Variants in NLRP8 observed in about 807,000 individuals in gnomAD.
The protein encoded by NLRP8 is NLR family pyrin domain containing 8, also known as NACHT, LRR and PYD domains-containing protein 8.
NLRP8 carries 86 observed loss-of-function variants against 88.7 expected under a neutral mutation model. The observed-to-expected ratio is 0.97, with a 90% CI of 0.81 to 1.16. The LOEUF (loss-of-function observed/expected upper bound fraction) is 1.16. NLRP8 is among the 50% of genes most tolerant of loss of function. The probability of loss-of-function intolerance (pLI) is 0.00; values close to 1 mark genes in which losing one functional copy is unlikely to be tolerated. For missense variants in NLRP8, 1,342 were observed against 1,286.5 expected (o/e 1.04, Z -0.66); for synonymous variants, 504 against 494.6 (o/e 1.02, Z -0.25).
chr19:55,984,972 G>A (rs1260072859), intron 9 of NLRP8, among the ~76,000 whole-genome samples: 2 of 152,056 alleles, frequency 1.3e-5, no homozygotes, highest in Non-Finnish European at 2.9e-5. Flanking sequence ...AATTCCCAAA[G>A]TACTCTAGTG....
rs369440060 is a variant in NLRP8, at chr19:55,954,696, G to A, written c.638G>A (p.Gly213Glu). 1.9e-6 allele frequency: 3 copies of A among 1,614,012 alleles called. No homozygotes were observed. The highest frequency in any genetic ancestry group is 2.5e-6 in the Non-Finnish European group (3 of 1,180,026). Reference sequence around the variant, plus strand: ...ACCGTGGCCATACAGGGAGCTCCTGGGATCGGAAAAACAATCCTGGCCAAA... The same window carrying A: ...ACCGTGGCCATACAGGGAGCTCCTGAGATCGGAAAAACAATCCTGGCCAAA... The change falls in exon 3 of 10, where the codon GGG becomes GAG. Residue 213 changes from glycine (G) to glutamate (E), a missense_variant. Transcript: ENST00000291971.
intron 3 of NLRP8, among the ~76,000 whole-genome samples, chr19:55,960,774 A>G (rs74702653): frequency 6.6e-6 from 1 of 151,968 alleles, no homozygotes; most frequent in Non-Finnish European, 1.5e-5. Flanking sequence ...TTTTCATCTC[A>G]TGTGTCTTGG....
At chr19:55,952,809 C>T (rs1979156045) in intron 2 of NLRP8, among the ~76,000 whole-genome samples, 197 bp downstream of exon 2, 1 of 152,076 alleles carries the variant, frequency 6.6e-6, no homozygotes, top group Non-Finnish European at 1.5e-5. Context: ...GCCTGTAGTC[C>T]CAGCTACTTG....
intron 3 of NLRP8, among the ~76,000 whole-genome samples, chr19:55,961,198 G>A (rs574830384): frequency 4.2e-4 from 64 of 151,886 alleles, no homozygotes; most frequent in Non-Finnish European, 7.4e-4. Context: ...CACCGTGCCC[G>A]GCCACTTTCA....
intron 9 of NLRP8, among the ~76,000 whole-genome samples, chr19:55,986,276 ACACT>A (rs1980800260): frequency 1.3e-5 from 2 of 150,636 alleles, no homozygotes; most frequent in East Asian, 1.9e-4. Flanking sequence ...CACCCAACAC[ACACT>A]CACACTCACA....
rs1429223868 is a variant in NLRP8 at position 55,962,086 on chromosome 19, C to G, written c.2062C>G (p.Leu688Val). The change falls in exon 4 of 10, where the codon CTG becomes GTG. Residue 688 changes from leucine to valine, a missense_variant. Transcript: ENST00000291971. Reference sequence around the variant, plus strand: ...ATGTAGAGCGCCAGAGAGCAATGGGCTGCATCGTTGGTGGCAAGACTTATG... The same window carrying G: ...ATGTAGAGCGCCAGAGAGCAATGGGGTGCATCGTTGGTGGCAAGACTTATG... The G allele has an allele frequency of 1.9e-6, 3 of 1,614,104 alleles. No homozygotes were observed. Among genetic ancestry groups the G allele is most frequent in the South Asian group, 2.2e-5 (2 of 91,074 alleles).
chr19:55,957,670 TAATTATATATATATATATATATATA>T (rs1199316721), intron 3 of NLRP8, among the ~76,000 whole-genome samples: 8 of 51,862 alleles, frequency 1.5e-4, no homozygotes, highest in African/African-American at 7.1e-4. Flanking sequence ...GAAAAAATAA[TAATTATATATATATATATATATATA>T]TATATATATA....
intron 5 of NLRP8, among the ~76,000 whole-genome samples, chr19:55,970,130 C>A (rs561443245): frequency 2.3e-4 from 35 of 152,168 alleles, no homozygotes; most frequent in Non-Finnish European, 2.9e-5. Context: ...TTAACATTCT[C>A]ACTACAAAAA....
In NLRP8 at chr19:55,970,663, A is replaced by G. The variant is rs1440077184; in HGVS notation, c.2501A>G (p.Tyr834Cys). 6.2e-7 allele frequency: 1 copy of G among 1,613,962 alleles called. No homozygotes were observed. Among genetic ancestry groups the G allele is most frequent in the Admixed American group, 1.7e-5 (1 of 59,974 alleles). Residue 834 changes from tyrosine (Y) to cysteine (C), a missense_variant, in exon 6 of 10, where the codon TAT becomes TGT. By Grantham distance (194) the Tyr-to-Cys change is radical (BLOSUM62 -2). Coordinates refer to ENST00000291971, the MANE Select transcript of NLRP8 (RefSeq NM_176811.2). The stretch of plus-strand genomic sequence containing the variant: ...AACTCCCTGGAGAACTGTGGGGCGT[A>G]TTACCTGTCTGTGGCCCAGCTGGAG...
At chr19:55,976,030 C>CA in intron 7 of NLRP8, 103 bp from the exon 8 acceptor site, 1 of 1,181,166 alleles carries the variant, frequency 8.5e-7, no homozygotes, top group Non-Finnish European at 1.2e-6. Context: ...AAACAGAACC[C>CA]AAAAACAAAG....
rs754210013 is a variant in NLRP8 at position 55,955,601 on chromosome 19, G to T, written c.1543G>T (p.Ala515Ser). 6.2e-7 allele frequency: 1 copy of T among 1,614,130 alleles called. No individual in the cohort carries two copies. Among genetic ancestry groups the T allele is most frequent in the South Asian group, 1.1e-5 (1 of 91,080 alleles). ...CCTCGTGACTTTTCAGGAATTTTTT[G>T]CGGCCTTGTTTTATGTTCTCTGTTT... is the stretch of plus-strand genomic sequence containing the variant. The change falls in exon 3 of 10, where the codon GCG (alanine) becomes TCG (serine). Residue 515 changes from alanine (A) to serine (S), a missense_variant. Physicochemically the swap from Ala to Ser is moderately conservative, Grantham distance 99. Transcript: ENST00000291971.
At chr19:55,982,865 G>A (rs1315864636) in intron 9 of NLRP8, among the ~76,000 whole-genome samples, 2 of 152,106 alleles carry the variant, frequency 1.3e-5, no homozygotes, top group Non-Finnish European at 1.5e-5. Context: ...AAGATCACTT[G>A]AGCCCAGAAT....
At chr19:55,967,242 G>C (rs572436969) in intron 5 of NLRP8, among the ~76,000 whole-genome samples, 1 of 152,252 alleles carries the variant, frequency 6.6e-6, no homozygotes, top group South Asian at 2.1e-4. Flanking sequence ...TGATGACCTT[G>C]AGCAGTGAGA....
chr19:55,949,427 G>A (rs992608004), intron 1 of NLRP8, among the ~76,000 whole-genome samples: 10 of 151,888 alleles, frequency 6.6e-5, no homozygotes, highest in African/African-American at 1.2e-4. Context: ...TAGTAGAAAC[G>A]GGGTTTCACC....
intron 4 of NLRP8, among the ~76,000 whole-genome samples, chr19:55,965,556 T>A (rs1322817124): frequency 6.6e-6 from 1 of 152,142 alleles, no homozygotes; most frequent in Non-Finnish European, 1.5e-5. Flanking sequence ...AAACCAGTCC[T>A]CCGAATCCTT....
chr19:55,985,634 T>C (rs951746829), intron 9 of NLRP8, among the ~76,000 whole-genome samples: 1 of 152,206 alleles, frequency 6.6e-6, no homozygotes, highest in Non-Finnish European at 1.5e-5. Flanking sequence ...CACTACACTT[T>C]CTAAAAACTA....
At chr19:55,957,548 T>C (rs946788205) in intron 3 of NLRP8, among the ~76,000 whole-genome samples, 2 of 151,458 alleles carry the variant, frequency 1.3e-5, no homozygotes, top group African/African-American at 4.9e-5. Context: ...TAGCCAGGCA[T>C]GGTGGCGGGC....
rs374938272 is a variant in NLRP8, at chr19:55,952,629, C to G, written c.442+17C>G. 1 of 1,607,594 alleles carries G rather than the reference C, an allele frequency of 6.2e-7. No individual in the cohort carries two copies. Among genetic ancestry groups the G allele is most frequent in the South Asian group, 1.1e-5 (1 of 90,890 alleles). On this transcript the variant is annotated intron_variant, in intron 2 of 9. Transcript: ENST00000291971. ...GAGAATCTGGTATGTGCCTGTATCA[C>G]AGCAGACCCTGGTGAAAAAATGGGC...
chr19:55,965,625 C>G (rs1232280746), intron 4 of NLRP8, among the ~76,000 whole-genome samples: 1 of 151,648 alleles, frequency 6.6e-6, no homozygotes, highest in African/African-American at 2.4e-5. Flanking sequence ...TCAGTCCAAT[C>G]GAATTCTGAT....
Sources: gnomAD v4.1 joint callset for allele counts (sites outside exome capture counted in the v4.1 genomes callset) on GRCh38, gnomAD v4.1.1 for gene constraint, MANE v1.5 for transcripts, NCBI Gene and HGNC (gene_info 2026-07-23, HGNC 2026-07-21) for gene names.